Variants in AFF3 observed in about 807,000 individuals in gnomAD.
The protein encoded by AFF3 is AF4/FMR2 family member 3.
In AFF3, 32 loss-of-function variants were observed where a neutral mutation model predicts 129.7. The observed-to-expected ratio is 0.25, with a 90% confidence interval of 0.19 to 0.33. The LOEUF (loss-of-function observed/expected upper bound fraction) is 0.33, where lower values mean the gene tolerates loss of function less well. AFF3 is among the 10% of genes least tolerant of loss of function. The pLI is 1.00. For missense variants in AFF3, 1,373 were observed against 1,592.0 expected, an observed-to-expected ratio of 0.86 and a Z score of 2.34; for synonymous variants, 644 against 635.4, an observed-to-expected ratio of 1.01 and a Z score of -0.20.
intron 7 of AFF3, among the ~76,000 whole-genome samples, chr2:99,909,355 G>A (rs1694959396): frequency 8.0e-6 from 1 of 125,704 alleles, no homozygotes; most frequent in South Asian, 3.2e-4. Flanking sequence ...GGGGAGGGGG[G>A]AGGGATAGCA....
At chr2:99,827,432 G>A (rs1688175800) in intron 8 of AFF3, among the ~76,000 whole-genome samples, 1 of 152,080 alleles carries the variant, frequency 6.6e-6, no homozygotes, top group Admixed American at 6.5e-5. Flanking sequence ...AACATCAAAT[G>A]CCTGCCAGAG....
chr2:99,556,576 A>G (rs1674941211), intron 22 of AFF3, among the ~76,000 whole-genome samples: 1 of 152,176 alleles, frequency 6.6e-6, no homozygotes, highest in Non-Finnish European at 1.5e-5. Flanking sequence ...ATATAGCCAA[A>G]TTGTCTTGGG....
chr2:100,040,353 C>T (rs997058958), intron 4 of AFF3, among the ~76,000 whole-genome samples: 8 of 152,182 alleles, frequency 5.3e-5, no homozygotes, highest in Non-Finnish European at 8.8e-5. Flanking sequence ...CACTACTTTG[C>T]TCCAGGAAAG....
At chr2:99,669,047 C>T (rs1422038841) in intron 12 of AFF3, among the ~76,000 whole-genome samples, 1 of 152,158 alleles carries the variant, frequency 6.6e-6, no homozygotes, top group Non-Finnish European at 1.5e-5. Flanking sequence ...TGTAGAGCAA[C>T]TGAAATTCTC....
chr2:99,638,634 A>G (rs1575572026), intron 13 of AFF3, among the ~76,000 whole-genome samples: 1 of 152,330 alleles, frequency 6.6e-6, no homozygotes, highest in East Asian at 1.9e-4. Flanking sequence ...ACGCATGTCC[A>G]GGCTAAAACT....
At chr2:100,047,679 C>T (rs999285074) in intron 4 of AFF3, among the ~76,000 whole-genome samples, 1 of 152,164 alleles carries the variant, frequency 6.6e-6, no homozygotes, top group Non-Finnish European at 1.5e-5. Context: ...TTAGGCAATG[C>T]AGTAATGCTT....
chr2:100,016,172 T>C (rs1683032311), intron 4 of AFF3, among the ~76,000 whole-genome samples: 1 of 149,488 alleles, frequency 6.7e-6, no homozygotes, highest in African/African-American at 2.5e-5. Flanking sequence ...GTGGTGGTGG[T>C]AGTTGTGGCG....
rs114377078 is a variant in AFF3 at position 99,625,013 on chromosome 2, G to A, written c.1185-23392C>T. ...TCTCTCGTGGAAAATCTGGAGGAAC[G>A]GTTGTGCACAGCTCCTGCTGGAAGT... On this transcript the variant is annotated intron_variant, in intron 13 of 24. Coordinates refer to ENST00000672756, the MANE Select transcript of AFF3 (RefSeq NM_001386135.1). 6.1e-4 allele frequency among the ~76,000 whole-genome samples: 93 copies of A among 152,300 alleles called. 1 individual carries two copies. Among genetic ancestry groups the A allele is most frequent in the African/African-American group, 1.8e-3 (75 of 41,570 alleles).
At chr2:100,055,605 G>A (rs1482452074) in intron 4 of AFF3, among the ~76,000 whole-genome samples, 1 of 152,180 alleles carries the variant, frequency 6.6e-6, no homozygotes, top group Non-Finnish European at 1.5e-5. Flanking sequence ...TGTACAGCAG[G>A]CTGAGAACCA....
At chr2:99,658,899 T>G (rs1338068015) in intron 12 of AFF3, among the ~76,000 whole-genome samples, 1 of 152,170 alleles carries the variant, frequency 6.6e-6, no homozygotes, top group Non-Finnish European at 1.5e-5. Context: ...AACCTTTATC[T>G]GGGGATGCCA....
chr2:99,896,826 G>A (rs760153198), intron 7 of AFF3, among the ~76,000 whole-genome samples: 5 of 151,422 alleles, frequency 3.3e-5, no homozygotes, highest in East Asian at 3.9e-4. Context: ...TAGTAGAGAC[G>A]GGGTTTCACT....
rs1013851781 is a variant in AFF3, at chr2:99,778,935, G to A, written c.922-26634C>T. ...GTGTGTGTGTGTGTGTGTGTGTGGC[G>A]GGGTTGGCTCTTTAGGGTTTTCTAT... On this transcript the variant is annotated intron_variant, in intron 8 of 24. Coordinates refer to ENST00000672756, the MANE Select transcript of AFF3 (RefSeq NM_001386135.1). 3.3e-5 allele frequency among the ~76,000 whole-genome samples: 5 copies of A among 149,748 alleles called. 1 individual carries two copies. Among genetic ancestry groups the A allele is most frequent in the Non-Finnish European group, 7.4e-5 (5 of 67,540 alleles).
chr2:99,645,653 C>A (rs572496655), intron 13 of AFF3, among the ~76,000 whole-genome samples: 32 of 152,004 alleles, frequency 2.1e-4, no homozygotes, highest in Non-Finnish European at 4.0e-4. Flanking sequence ...TTGGGGTGAA[C>A]CATAAATTAA....
chr2:100,117,018 G>A (rs545414809), intron 2 of AFF3, among the ~76,000 whole-genome samples: 19 of 152,134 alleles, frequency 1.2e-4, no homozygotes, highest in South Asian at 8.3e-4. Flanking sequence ...CTGTTGTTCC[G>A]ATGAAAATAA....
intron 7 of AFF3, among the ~76,000 whole-genome samples, chr2:99,926,707 T>TG (rs397822075): frequency 0.87 from 131,705 of 151,856 alleles, 57,357 homozygotes; most frequent in African/African-American, 0.96. Flanking sequence ...CTGCCCTGCC[T>TG]GGGGGTTACA....
intron 7 of AFF3, among the ~76,000 whole-genome samples, chr2:99,945,566 C>A (rs906372738): frequency 6.6e-6 from 1 of 152,182 alleles, no homozygotes; most frequent in Non-Finnish European, 1.5e-5. Flanking sequence ...CTGCTTTCTA[C>A]TTGCTCAATT....
chr2:100,030,463 T>C (rs1468821523), intron 4 of AFF3, among the ~76,000 whole-genome samples: 1 of 152,198 alleles, frequency 6.6e-6, no homozygotes, highest in Non-Finnish European at 1.5e-5. Context: ...TGGCAAGTTC[T>C]TAGAAACTAA....
At chr2:100,059,777 C>T (rs1474217399) in intron 4 of AFF3, among the ~76,000 whole-genome samples, 3 of 152,200 alleles carry the variant, frequency 2.0e-5, no homozygotes, top group African/African-American at 7.2e-5. Context: ...GACAAAGAGT[C>T]AGCCAAGAAG....
chr2:99,639,029 T>A (rs1246671898), intron 13 of AFF3, among the ~76,000 whole-genome samples: 1 of 152,174 alleles, frequency 6.6e-6, no homozygotes, highest in Non-Finnish European at 1.5e-5. Flanking sequence ...TGTGGCCTCC[T>A]TACCAGACAT....
Sources: allele counts gnomAD v4.1 joint callset (sites outside exome capture counted in the v4.1 genomes callset), GRCh38; gene constraint gnomAD v4.1.1; transcripts MANE v1.5; gene names NCBI Gene and HGNC (gene_info 2026-07-23, HGNC 2026-07-21).